The following GPN1 variants were observed in gnomAD, a reference collection of about 807,000 sequenced individuals.
GPN1 encodes ATP(GTP)-binding protein.
In GPN1, 44 loss-of-function variants were observed where a neutral mutation model predicts 55.9. The observed-to-expected ratio is 0.79, with a 90% confidence interval of 0.62 to 1.01. The LOEUF is 1.01. Among genes scored for constraint, GPN1 ranks in the 50% least tolerant of loss-of-function variants. The probability of loss-of-function intolerance (pLI) is 0.00; values close to 1 mark genes in which losing one functional copy is unlikely to be tolerated. For synonymous variants in GPN1, 179 were observed against 162.5 expected, an observed-to-expected ratio of 1.10 and a Z score of -0.77; for missense variants, 466 against 462.8, an observed-to-expected ratio of 1.01 and a Z score of -0.06.
chr2:27,628,974 G>A (rs775337781), upstream of GPN1: 3 of 1,585,114 alleles, frequency 1.9e-6, no homozygotes, highest in Non-Finnish European at 2.6e-6. Context: ...CGCTGTGGTG[G>A]TTTTCGTTCG....
chr2:27,628,958 T>G, upstream of GPN1: 2 of 1,567,972 alleles, frequency 1.3e-6, no homozygotes, highest in Non-Finnish European at 1.7e-6. Context: ...ACCCGCTCCT[T>G]TCTGACGCTG....
At chr2:27,636,141 G>A (rs1187802034) in intron 7 of GPN1, among the ~76,000 whole-genome samples, 1 of 152,136 alleles carries the variant, frequency 6.6e-6, no homozygotes, top group Non-Finnish European at 1.5e-5. Context: ...GCTTGAGCCT[G>A]GGAGGCCAAG....
At chr2:27,634,945 T>C in intron 6 of GPN1, 21 bp downstream of exon 6, 1 of 1,409,968 alleles carries the variant, frequency 7.1e-7, no homozygotes, top group South Asian at 1.1e-5. Flanking sequence ...TAGGACTTGC[T>C]ACTGAGAGTA....
At chr2:27,649,488 G>A (rs1206337116) in intron 13 of GPN1, among the ~76,000 whole-genome samples, 1 of 152,044 alleles carries the variant, frequency 6.6e-6, no homozygotes, top group Non-Finnish European at 1.5e-5. Flanking sequence ...GAAATGTAGA[G>A]CACTTCCCTC....
At chr2:27,631,590 A>G in intron 3 of GPN1, 1 of 566,122 alleles carries the variant, frequency 1.8e-6, no homozygotes, top group Non-Finnish European at 3.1e-6. Flanking sequence ...ATGCACCTGT[A>G]TTACATTTTG....
intron 10 of GPN1, 49 bp from the exon 11 acceptor site, chr2:27,641,188 CAGT>C (rs1673933006): frequency 2.5e-6 from 3 of 1,192,996 alleles, no homozygotes; most frequent in Non-Finnish European, 3.7e-6. Context: ...TGTGGAGAGT[CAGT>C]AGGATAGAGG....
In GPN1 at chr2:27,650,212, A is replaced by G; in HGVS notation, c.*12A>G. ...GAAACAATAAATAGGAGACTTTAGC[A>G]CACTTCACTTGTTTCTAGAAGTCCA... On this transcript the variant is annotated 3_prime_UTR_variant, in exon 14 of 14. Coordinates refer to ENST00000610189, the MANE Select transcript of GPN1 (RefSeq NM_007266.4). The G allele has an allele frequency of 6.7e-7, 1 of 1,483,652 alleles. No homozygotes were observed. Among genetic ancestry groups the G allele is most frequent in the African/African-American group, 1.4e-5 (1 of 72,464 alleles). The allele number at this position is 1,483,652 out of a possible 1,614,324, so 91.9% of individuals were successfully genotyped here.
chr2:27,640,196 C>G, intron 10 of GPN1, 71 bp downstream of exon 10: 1 of 999,380 alleles, frequency 1.0e-6, no homozygotes, highest in East Asian at 2.4e-5. Context: ...AGCAGTTTTT[C>G]CAGGAAAAGC....
intron 13 of GPN1, among the ~76,000 whole-genome samples, chr2:27,648,733 T>A (rs1202104157): frequency 6.6e-6 from 1 of 152,166 alleles, no homozygotes; most frequent in Non-Finnish European, 1.5e-5. Context: ...CCTCCCGGGT[T>A]CAAGTGATTC....
chr2:27,642,571 C>T lies in GPN1; in HGVS notation c.931+52C>T, dbSNP rs774390796. On this transcript the variant is annotated intron_variant, in intron 12 of 13. Transcript: ENST00000610189. Reference sequence around the variant, plus strand: ...AACTAAAAAAAGGTTACACTTCTTTCTTTTATTTATTTATTTATTTTTGAG... The same window carrying T: ...AACTAAAAAAAGGTTACACTTCTTTTTTTTATTTATTTATTTATTTTTGAG... 7.4e-5 allele frequency: 81 copies of T among 1,087,802 alleles called. 1 individual carries two copies. The highest frequency in any genetic ancestry group is 2.9e-4 in the South Asian group (22 of 76,548). 67.4% of individuals were successfully genotyped at this position (1,087,802 alleles called of 1,614,324 possible). A position where few individuals can be genotyped will look rare whatever the true frequency, so the allele number is the denominator to read the frequency against.
intron 1 of GPN1, 145 bp downstream of exon 1, chr2:27,629,314 C>G (rs1319923252): frequency 3.2e-5 from 47 of 1,485,918 alleles, no homozygotes; most frequent in Non-Finnish European, 4.0e-5. Flanking sequence ...AGTTCCTTCC[C>G]CGGCAAAGCC....
Position 27,631,894 on chromosome 2 carries a change from T to G in GPN1, c.306T>G (p.Phe102Leu). Reference sequence around the variant, plus strand: ...CACTCAATCTCTTTGCTACCAGATTTGATCAGGTATATCTGTCTTTAGTAT... The same window carrying G: ...CACTCAATCTCTTTGCTACCAGATTGGATCAGGTATATCTGTCTTTAGTAT... ...VTSLNLFATR[F>L]DQVMKFIEKA... The change falls in exon 4 of 14, where the codon TTT becomes TTG. Residue 102 changes from phenylalanine (F) to leucine (L), a missense_variant. Coordinates refer to ENST00000610189, the MANE Select transcript of GPN1 (RefSeq NM_007266.4). 1 of 1,553,444 alleles carries G rather than the reference T, an allele frequency of 6.4e-7. No homozygotes were observed. The highest frequency in any genetic ancestry group is 8.9e-7 in the Non-Finnish European group (1 of 1,124,528).
At chr2:27,639,973 A>G in intron 9 of GPN1, 70 bp from the exon 10 acceptor site, 1 of 1,026,702 alleles carries the variant, frequency 9.7e-7, no homozygotes, top group Non-Finnish European at 1.5e-6. Context: ...TGACATTTAA[A>G]CAAGTTAATG....
intron 7 of GPN1, 141 bp downstream of exon 7, chr2:27,635,375 G>A (rs1268640886): frequency 3.4e-6 from 2 of 595,698 alleles, no homozygotes; most frequent in Admixed American, 7.0e-5. Flanking sequence ...CAGTTGAGTG[G>A]CTGTGAGCTG....
upstream of GPN1, chr2:27,628,641 G>A (rs1673388490): frequency 4.5e-6 from 7 of 1,551,356 alleles, no homozygotes; most frequent in South Asian, 1.2e-5. Context: ...TAACCGCCTC[G>A]GCTACCGAAT....
rs1349673694 is a variant in GPN1 at position 27,650,828 on chromosome 2, A to C, written c.*628A>C. The C allele has an allele frequency of 6.5e-6, 1 of 152,804 alleles. No individual in the cohort carries two copies. The highest frequency in any genetic ancestry group is 2.4e-5 in the African/African-American group (1 of 41,462). The allele number at this position is 152,804 out of a possible 1,614,324, so 9.5% of individuals were successfully genotyped here. The stretch of plus-strand genomic sequence containing the variant: ...ATCCTGTTTCATTGGTGACTTGGAT[A>C]AAGACTTTTTAATTTTAACTTTGTT... On this transcript the variant is annotated 3_prime_UTR_variant, in exon 14 of 14. Transcript: ENST00000610189.
intron 13 of GPN1, 144 bp from the exon 14 acceptor site, chr2:27,649,971 T>C: frequency 3.5e-6 from 2 of 567,480 alleles, no homozygotes; most frequent in East Asian, 6.0e-5. Context: ...TAGAGCATGC[T>C]TCTAGGAGAC....
At chr2:27,641,622 C>G (rs1457712161) in intron 11 of GPN1, among the ~76,000 whole-genome samples, 1 of 152,132 alleles carries the variant, frequency 6.6e-6, no homozygotes, top group Non-Finnish European at 1.5e-5. Flanking sequence ...GAGAAAGGGT[C>G]TCACTCTGTC....
At chr2:27,647,722 G>A (rs1674306836) in intron 12 of GPN1, 114 bp from the exon 13 acceptor site, 2 of 651,804 alleles carry the variant, frequency 3.1e-6, no homozygotes, top group Non-Finnish European at 5.6e-6. Context: ...GTAAGATCCT[G>A]CGTTTATATG....
Sources: allele counts gnomAD v4.1 joint callset (sites outside exome capture counted in the v4.1 genomes callset), GRCh38; gene constraint gnomAD v4.1.1; transcripts MANE v1.5; gene names NCBI Gene and HGNC (gene_info 2026-07-23, HGNC 2026-07-21).